The following SLC38A12 variants were observed in gnomAD, a reference collection of about 807,000 sequenced individuals.
SLC38A12 encodes solute carrier family 38 member 12, also known as putative sodium-coupled neutral amino acid transporter 12.
the SLC38A12 span, among the ~76,000 whole-genome samples, chr17:74,792,157 A>AG: frequency 2.0e-5 from 3 of 151,404 alleles, no homozygotes; most frequent in East Asian, 5.8e-4. Context: ...AAAAAAAAAA[A>AG]AAGAATTTAA....
At chr17:74,795,699 C>T in the SLC38A12 span, 3 of 1,248,112 alleles carry the variant, frequency 2.4e-6, no homozygotes, top group Non-Finnish European at 3.5e-6. Flanking sequence ...ATTTGAAGTG[C>T]CTTTACTTCC....
the SLC38A12 span, among the ~76,000 whole-genome samples, chr17:74,788,504 G>A: frequency 6.6e-6 from 1 of 152,152 alleles, no homozygotes; most frequent in Non-Finnish European, 1.5e-5. Context: ...GCTTGTCCCA[G>A]TATCACGTCT....
the SLC38A12 span, among the ~76,000 whole-genome samples, chr17:74,810,333 C>T: frequency 6.6e-6 from 1 of 152,200 alleles, no homozygotes; most frequent in South Asian, 2.1e-4. Context: ...ATCTTTCAAA[C>T]TTGGAGTCTA....
At chr17:74,838,086 G>A in the SLC38A12 span, 7 of 985,768 alleles carry the variant, frequency 7.1e-6, no homozygotes, top group African/African-American at 1.2e-4. Flanking sequence ...TCAGGGGTGG[G>A]ATTTGCAGGG....
chr17:74,807,412 A>G, the SLC38A12 span, among the ~76,000 whole-genome samples: 4 of 152,230 alleles, frequency 2.6e-5, no homozygotes, highest in Non-Finnish European at 4.4e-5. Context: ...GAAACTGCTT[A>G]CAGGTGGACG....
the SLC38A12 span, chr17:74,837,576 C>G: frequency 1.0e-6 from 1 of 985,502 alleles, no homozygotes; most frequent in Non-Finnish European, 1.2e-6. Context: ...GGTTCCCACC[C>G]TGACAATGGT....
the SLC38A12 span, among the ~76,000 whole-genome samples, chr17:74,789,845 CAAAAA>C: frequency 2.1e-5 from 1 of 47,410 alleles, no homozygotes; most frequent in Non-Finnish European, 4.3e-5. Context: ...AACTTCGTCT[CAAAAA>C]AAAAAAAAAA....
the SLC38A12 span, among the ~76,000 whole-genome samples, chr17:74,823,999 C>T: frequency 2.4e-4 from 37 of 152,358 alleles, no homozygotes; most frequent in African/African-American, 8.7e-4. Context: ...CCGTCTTCAG[C>T]ATCATCTTGG....
chr17:74,787,200 T>G, the SLC38A12 span, among the ~76,000 whole-genome samples: 2 of 152,186 alleles, frequency 1.3e-5, no homozygotes, highest in East Asian at 3.9e-4. Flanking sequence ...GTTTAACTGG[T>G]GTGGGGCCAA....
At chr17:74,804,581 T>C in the SLC38A12 span, among the ~76,000 whole-genome samples, 2 of 152,206 alleles carry the variant, frequency 1.3e-5, no homozygotes, top group Non-Finnish European at 2.9e-5. Context: ...AAGGAACATT[T>C]TCATAAGCCT....
the SLC38A12 span, among the ~76,000 whole-genome samples, chr17:74,821,258 C>T: frequency 2.0e-5 from 3 of 152,238 alleles, no homozygotes; most frequent in Admixed American, 6.5e-5. Context: ...CACAGGGGCA[C>T]ATCATCTGGG....
At chr17:74,790,437 C>T in the SLC38A12 span, 1 of 745,232 alleles carries the variant, frequency 1.3e-6, no homozygotes, top group Non-Finnish European at 2.3e-6. Context: ...CTGTGGTAGA[C>T]TCAAAAGAGC....
the SLC38A12 span, chr17:74,777,368 C>G: frequency 6.2e-7 from 1 of 1,614,244 alleles, no homozygotes; most frequent in Non-Finnish European, 8.5e-7. Flanking sequence ...GAACTCTACT[C>G]TTCCTACGTG....
At chr17:74,787,857 G>A in the SLC38A12 span, among the ~76,000 whole-genome samples, 1 of 150,034 alleles carries the variant, frequency 6.7e-6, no homozygotes, top group South Asian at 2.1e-4. Flanking sequence ...GCAGTGGCAC[G>A]ATCTCGGCTC....
At chr17:74,836,307 A>G in the SLC38A12 span, 4 of 1,612,428 alleles carry the variant, frequency 2.5e-6, no homozygotes, top group South Asian at 4.4e-5. The surrounding 1 kb of genome is among the most constrained non-coding windows in gnomAD (Gnocchi z 4.2). Flanking sequence ...CAACTTCCCC[A>G]TCATTGCCGT....
At chr17:74,835,354 C>T in the SLC38A12 span, among the ~76,000 whole-genome samples, 1 of 152,176 alleles carries the variant, frequency 6.6e-6, no homozygotes, top group African/African-American at 2.4e-5. Flanking sequence ...ACCTGTCTGC[C>T]CAGGGCTCCC....
the SLC38A12 span, among the ~76,000 whole-genome samples, chr17:74,776,904 GCTCCTGGTTC>G: frequency 6.6e-6 from 1 of 152,216 alleles, no homozygotes; most frequent in Non-Finnish European, 1.5e-5. Context: ...GTGGTAGTGA[GCTCCTGGTTC>G]CTGGAACTAA....
At chr17:74,832,955 G>A in the SLC38A12 span, among the ~76,000 whole-genome samples, 1 of 152,216 alleles carries the variant, frequency 6.6e-6, no homozygotes, top group Non-Finnish European at 1.5e-5. Flanking sequence ...GTGGCATTAC[G>A]AGGTGAAACT....
At chr17:74,823,140 C>A in the SLC38A12 span, among the ~76,000 whole-genome samples, 1 of 152,168 alleles carries the variant, frequency 6.6e-6, no homozygotes. Flanking sequence ...ACACTCGCGC[C>A]GCACCCCTTC....
Sources: allele counts gnomAD v4.1 joint callset (sites outside exome capture counted in the v4.1 genomes callset), GRCh38; gene constraint gnomAD v4.1.1; non-coding constraint Gnocchi (gnomAD v3.1); transcripts MANE v1.5; gene names NCBI Gene and HGNC (gene_info 2026-07-23, HGNC 2026-07-21).